The following POF1B variants were observed in gnomAD, a reference collection of about 807,000 sequenced individuals.
POF1B encodes the protein POF1B actin binding protein.
A neutral mutation model predicts 55.3 loss-of-function variants in POF1B; 53 were observed. The observed-to-expected ratio is 0.96, with a 90% CI of 0.77 to 1.20. The LOEUF (loss-of-function observed/expected upper bound fraction) is 1.20, where lower values mean the gene tolerates loss of function less well. Ranked by LOEUF, POF1B falls within the 50% of genes most tolerant of loss-of-function variation. The probability of loss-of-function intolerance (pLI) is 0.00; values close to 1 mark genes in which losing one functional copy is unlikely to be tolerated. For missense variants in POF1B, 478 were observed against 420.5 expected, an observed-to-expected ratio of 1.14 and a Z score of -1.20; for synonymous variants, 188 against 148.3, an observed-to-expected ratio of 1.27 and a Z score of -1.95.
At position 85,312,979 on chromosome X, in the gene POF1B, C is replaced by T. The variant is rs899963812; in HGVS notation, c.957+1453G>A. Among the ~76,000 whole-genome samples the T allele has an allele frequency of 2.2e-4, 24 of 111,505 alleles. No individual in the cohort carries two copies. In the Admixed American group the frequency reaches 2.2e-3, roughly 10 times the overall value. ...ACTCAAGATTTGGCCCTCTGTTTGT[C>T]TATTATTGATGTATAGGAATGTTTG... On this transcript the variant is annotated intron_variant, in intron 9 of 16. Coordinates refer to ENST00000262753, the MANE Select transcript of POF1B (RefSeq NM_024921.4).
rs1932335180 is a variant in POF1B at position 85,297,575 on chromosome X, T to C, written c.1649+5831A>G. Among the ~76,000 whole-genome samples the C allele has an allele frequency of 2.7e-5, 3 of 112,031 alleles. No homozygotes were observed. The Admixed American group carries it at 2.8e-4, about 11-fold the overall frequency. ...TATTGGCAGAATACTTTTGGTATTGTAATTTGGGCAGTGATCGAGTAGATG... is the reference window on the plus strand; with the variant it reads ...TATTGGCAGAATACTTTTGGTATTGCAATTTGGGCAGTGATCGAGTAGATG... On this transcript the variant is annotated intron_variant, in intron 15 of 16. Transcript: ENST00000262753.
At chrX:85,366,235 T>C (rs1933719934) in intron 3 of POF1B, among the ~76,000 whole-genome samples, 1 of 111,343 alleles carries the variant, frequency 9.0e-6, no homozygotes, top group African/African-American at 3.3e-5. Flanking sequence ...TGAATAATCA[T>C]CCATAGGCTG....
At chrX:85,337,340 G>C (rs1160256026) in intron 6 of POF1B, among the ~76,000 whole-genome samples, 1 of 111,756 alleles carries the variant, frequency 8.9e-6, no homozygotes, top group African/African-American at 3.2e-5. Flanking sequence ...GCCTCTGTCA[G>C]GTTATGAGGG....
At chrX:85,316,658 T>G (rs1932789907) in intron 7 of POF1B, among the ~76,000 whole-genome samples, 1 of 111,587 alleles carries the variant, frequency 9.0e-6, no homozygotes, top group South Asian at 3.7e-4. Flanking sequence ...AATATTTATT[T>G]TATTTAAAGT....
Position 85,306,315 on chromosome X carries a change from T to C in POF1B, c.1183A>G (p.Ser395Gly). The change falls in exon 12 of 17, where the codon AGT becomes GGT. Residue 395 changes from serine to glycine, a missense_variant. Coordinates refer to ENST00000262753, the MANE Select transcript of POF1B (RefSeq NM_024921.4). ...TCTTCCAATGCCTGGCATTTTGAAC[T>C]TGAGTCTTGAAGTCCTTGCTGTAAA... ...HQQQQGLQDSSSKCQALEENN... is the reference protein window; with the variant it reads ...HQQQQGLQDSGSKCQALEENN... 1 of 1,208,934 alleles carries C rather than the reference T, an allele frequency of 8.3e-7. No homozygotes were observed. Among genetic ancestry groups the C allele is most frequent in the Non-Finnish European group, 1.1e-6 (1 of 894,035 alleles).
At chrX:85,305,697 A>G in intron 13 of POF1B, 94 bp downstream of exon 13, 1 of 999,112 alleles carries the variant, frequency 1.0e-6, no homozygotes, top group Non-Finnish European at 1.3e-6. Context: ...ACCTTCAGCT[A>G]ATTTTTTCTG....
At chrX:85,376,933 AAAAACAAAAC>A in intron 2 of POF1B, among the ~76,000 whole-genome samples, 1 of 111,586 alleles carries the variant, frequency 9.0e-6, no homozygotes, top group Non-Finnish European at 1.9e-5. Flanking sequence ...CCAAAAGGCA[AAAAACAAAAC>A]AAAACAAAAC....
At chrX:85,289,374 C>A (rs1019298177) in intron 15 of POF1B, among the ~76,000 whole-genome samples, 13 of 112,004 alleles carry the variant, frequency 1.2e-4, no homozygotes, top group African/African-American at 4.2e-4. Context: ...CAGGTTCATA[C>A]ATGGCAGTCT....
intron 15 of POF1B, among the ~76,000 whole-genome samples, chrX:85,302,629 G>A (rs1053602216): frequency 2.0e-4 from 22 of 111,241 alleles, no homozygotes; most frequent in African/African-American, 7.2e-4. Flanking sequence ...GTACACAGAC[G>A]TTCACAGCAG....
chrX:85,351,295 A>G (rs1933381286), intron 5 of POF1B, 55 bp downstream of exon 5: 2 of 852,696 alleles, frequency 2.3e-6, no homozygotes, highest in East Asian at 6.7e-5. Flanking sequence ...CTCTATTAAA[A>G]TACAATTCAA....
At chrX:85,315,087 A>G (rs940651429) in intron 8 of POF1B, among the ~76,000 whole-genome samples, 2 of 111,559 alleles carry the variant, frequency 1.8e-5, no homozygotes, top group African/African-American at 6.5e-5. Flanking sequence ...GAATTACTGC[A>G]TAATTGTAAT....
At chrX:85,300,638 A>G (rs1178426186) in intron 15 of POF1B, among the ~76,000 whole-genome samples, 1 of 112,019 alleles carries the variant, frequency 8.9e-6, no homozygotes, top group African/African-American at 3.2e-5. Context: ...CACGTTTTCA[A>G]TAAAAAATTA....
intron 2 of POF1B, among the ~76,000 whole-genome samples, chrX:85,371,651 T>C (rs1933823332): frequency 9.0e-6 from 1 of 111,465 alleles, no homozygotes; most frequent in Non-Finnish European, 1.9e-5. Context: ...AATTATATGG[T>C]TAAGTTTGAC....
chrX:85,352,501 A>G (rs1248611579), intron 4 of POF1B, among the ~76,000 whole-genome samples: 2 of 111,661 alleles, frequency 1.8e-5, no homozygotes, highest in South Asian at 3.7e-4. Flanking sequence ...ATCAAAAGTT[A>G]TATACTTATT....
intron 15 of POF1B, among the ~76,000 whole-genome samples, chrX:85,287,655 C>A (rs945163798): frequency 1.8e-5 from 2 of 110,918 alleles, no homozygotes; most frequent in Non-Finnish European, 3.8e-5. Flanking sequence ...TTAACTCTAC[C>A]AAAAAATTAA....
In POF1B at chrX:85,308,168, T is replaced by C. The variant is rs1004266105; in HGVS notation, c.1006A>G (p.Ser336Gly). The C allele has an allele frequency of 2.5e-5, 30 of 1,193,568 alleles. No individual in the cohort carries two copies. Among genetic ancestry groups the C allele is most frequent in the Non-Finnish European group, 2.9e-5 (26 of 884,914 alleles). ...TGTCCAAGCTCCTCCCGTATGTTGCTAAATGTGGACAGCACTAGTCGGAGT... is the reference window on the plus strand; with the variant it reads ...TGTCCAAGCTCCTCCCGTATGTTGCCAAATGTGGACAGCACTAGTCGGAGT... ...KSLRLVLSTF[S>G]NIREELGHLQ... Residue 336 changes from serine to glycine, a missense_variant, in exon 10 of 17, where the codon AGC (serine) becomes GGC (glycine). Ser to Gly is a moderately conservative substitution (Grantham distance 56, BLOSUM62 0). Coordinates refer to ENST00000262753, the MANE Select transcript of POF1B (RefSeq NM_024921.4).
chrX:85,366,169 A>G (rs1193219858), intron 3 of POF1B, among the ~76,000 whole-genome samples: 1 of 112,081 alleles, frequency 8.9e-6, no homozygotes, highest in East Asian at 2.8e-4. Context: ...AATTTGAAAA[A>G]TAATGCTGAT....
intron 7 of POF1B, among the ~76,000 whole-genome samples, chrX:85,320,066 G>T (rs1932821584): frequency 9.0e-6 from 1 of 111,065 alleles, no homozygotes; most frequent in African/African-American, 3.3e-5. Flanking sequence ...TTATTGTTCT[G>T]TTCAGGGATT....
chrX:85,304,227 A>G (rs1195265138), intron 14 of POF1B, 116 bp downstream of exon 14: 3 of 753,763 alleles, frequency 4.0e-6, no homozygotes, highest in East Asian at 8.4e-5. Flanking sequence ...TTATTTCATT[A>G]AATAAAGTGA....
Sources: allele counts gnomAD v4.1 joint callset (sites outside exome capture counted in the v4.1 genomes callset), GRCh38; gene constraint gnomAD v4.1.1; transcripts MANE v1.5; gene names NCBI Gene and HGNC (gene_info 2026-07-23, HGNC 2026-07-21).